Variants in C10orf71 observed in about 807,000 individuals in gnomAD.
The protein encoded by C10orf71 is chromosome 10 open reading frame 71.
For synonymous variants in C10orf71, 758 were observed against 726.3 expected (o/e 1.04, Z -0.70); for missense variants, 1,869 against 1,804.5 (o/e 1.04, Z -0.65).
chr10:49,326,897 C>A lies in C10orf71; in HGVS notation c.*44C>A. ...CCACCCCCAGATGAACCCAGAGGAGCTTACTTCCCCCTCCCCCAAAACAAG... is the reference window on the plus strand; with the variant it reads ...CCACCCCCAGATGAACCCAGAGGAGATTACTTCCCCCTCCCCCAAAACAAG... On this transcript the variant is annotated 3_prime_UTR_variant, in exon 3 of 3. Transcript: ENST00000374144. 1 of 1,452,850 alleles carries A rather than the reference C, an allele frequency of 6.9e-7. No homozygotes were observed. The highest frequency in any genetic ancestry group is 9.2e-7 in the Non-Finnish European group (1 of 1,091,126). 90.0% of individuals were successfully genotyped at this position (1,452,850 alleles called of 1,614,324 possible).
rs75053680 is a variant in C10orf71 at position 49,323,886 on chromosome 10, G to A, written c.1341G>A (p.Leu447=). 25,907 of 1,612,888 alleles carry A rather than the reference G, an allele frequency of 0.016. 265 individuals are homozygous for A. The highest frequency in any genetic ancestry group is 0.02 in the Non-Finnish European group (23,516 of 1,179,684). ...CCCCCTTTAACATCAGTAAGCTCCT[G>A]ACCCCCATCATACCCAGCAAGCACG... ...YDPPFNISKL[L]TPIIPSKHAL... The change falls in exon 3 of 3, where the codon CTG becomes CTA. Residue 447 remains leucine (L), a synonymous_variant. Transcript: ENST00000374144.
rs55987453 is a variant in C10orf71, at chr10:49,319,771, T to TCACA, written c.-144-2618_-144-2615dup. Among the ~76,000 whole-genome samples the TCACA allele has an allele frequency of 7.0e-3, 989 of 141,150 alleles. 14 individuals are homozygous for TCACA. Among genetic ancestry groups the TCACA allele is most frequent in the Middle Eastern group, 0.025 (7 of 276 alleles). The allele number at this position is 141,150 out of a possible 152,430, so 92.6% of individuals were successfully genotyped here. On this transcript the variant is annotated intron_variant, in intron 2 of 2. Transcript: ENST00000374144. ...ATGTGGGTGTATATGTATATGTATA[T>TCACA]CACACACACACACACATATATAGTG...
rs142246974 is a variant in C10orf71 at position 49,316,716 on chromosome 10, A to G, written c.-145+469A>G. ...CCCAGAGCGTAGTGAAAGCTCCACC[A>G]CCAGCAAGGAAGCCTGAGCACACTT... On this transcript the variant is annotated intron_variant, in intron 2 of 2. Coordinates refer to ENST00000374144, the MANE Select transcript of C10orf71 (RefSeq NM_001135196.2). 1.7e-3 allele frequency among the ~76,000 whole-genome samples: 253 copies of G among 152,316 alleles called. 1 individual carries two copies. Among genetic ancestry groups the G allele is most frequent in the African/African-American group, 5.6e-3 (234 of 41,562 alleles).
chr10:49,322,498 C>A lies in C10orf71; in HGVS notation c.-48C>A. 1.3e-6 allele frequency: 2 copies of A among 1,530,206 alleles called. No individual in the cohort carries two copies. The highest frequency in any genetic ancestry group is 1.8e-6 in the Non-Finnish European group (2 of 1,134,872). The allele number at this position is 1,530,206 out of a possible 1,614,324, so 94.8% of individuals were successfully genotyped here. ...ACACCTAACCTTGACAGAATCATCA[C>A]CAGAGACACCTGCCGGCTGACAAGG... On this transcript the variant is annotated 5_prime_UTR_variant, in exon 3 of 3. Transcript: ENST00000374144.
At chr10:49,305,140 C>T (rs77929619) in intron 1 of C10orf71, among the ~76,000 whole-genome samples, 30 of 152,318 alleles carry the variant, frequency 2.0e-4, no homozygotes, top group African/African-American at 6.3e-4. Context: ...AATAGAAGGA[C>T]ATCTTATGGC....
At chr10:49,319,771 T>A (rs1453535567) in intron 2 of C10orf71, among the ~76,000 whole-genome samples, 1 of 141,168 alleles carries the variant, frequency 7.1e-6, no homozygotes, top group Admixed American at 7.0e-5. Context: ...TATATGTATA[T>A]CACACACACA....
Position 49,326,332 on chromosome 10 carries a change from T to G in C10orf71, c.3787T>G (p.Ser1263Ala). ...PVGRRPGGPQ[S>A]LTPLPAYPAT... is the part of the protein sequence containing the mutation. ...CGGGAGGCGGCCCGGGGGCCCCCAG[T>G]CCCTCACACCCCTGCCCGCGTACCC... Residue 1263 changes from serine to alanine, a missense_variant, in exon 3 of 3, where the codon TCC becomes GCC. Coordinates refer to ENST00000374144, the MANE Select transcript of C10orf71 (RefSeq NM_001135196.2). 2 of 1,549,690 alleles carry G rather than the reference T, an allele frequency of 1.3e-6. No homozygotes were observed. The highest frequency in any genetic ancestry group is 1.7e-6 in the Non-Finnish European group (2 of 1,146,542).
In C10orf71 at chr10:49,326,597, G is replaced by A. The variant is rs898997384; in HGVS notation, c.4052G>A (p.Cys1351Tyr). 8 of 1,550,378 alleles carry A rather than the reference G, an allele frequency of 5.2e-6. No individual in the cohort carries two copies. The highest frequency in any genetic ancestry group is 7.0e-6 in the Non-Finnish European group (8 of 1,146,876). ...VPVTALMPLR[C>Y]SSQLSAPTFL... Reference sequence around the variant, plus strand: ...GTGACGGCCTTGATGCCGCTGCGCTGCTCCTCTCAGCTCTCCGCGCCCACC... The same window carrying A: ...GTGACGGCCTTGATGCCGCTGCGCTACTCCTCTCAGCTCTCCGCGCCCACC... Residue 1351 changes from cysteine (C) to tyrosine (Y), a missense_variant, in exon 3 of 3, where the codon TGC (cysteine) becomes TAC (tyrosine). Coordinates refer to ENST00000374144, the MANE Select transcript of C10orf71 (RefSeq NM_001135196.2).
At chr10:49,321,387 A>T (rs549187626) in intron 2 of C10orf71, among the ~76,000 whole-genome samples, 1 of 152,310 alleles carries the variant, frequency 6.6e-6, no homozygotes, top group South Asian at 2.1e-4. Flanking sequence ...TCATAAATTT[A>T]AAAATTTCCT....
chr10:49,322,103 G>T (rs1849103090), intron 2 of C10orf71, among the ~76,000 whole-genome samples: 1 of 151,970 alleles, frequency 6.6e-6, no homozygotes, highest in Non-Finnish European at 1.5e-5. Flanking sequence ...ATTTTTGTTT[G>T]TGTTGCTTGC....
In C10orf71 at chr10:49,324,407, G is replaced by A. The variant is rs1394571236; in HGVS notation, c.1862G>A (p.Gly621Glu). 2 of 1,612,364 alleles carry A rather than the reference G, an allele frequency of 1.2e-6. No individual in the cohort carries two copies. The highest frequency in any genetic ancestry group is 8.5e-7 in the Non-Finnish European group (1 of 1,179,216). The change falls in exon 3 of 3, where the codon GGA (glycine) becomes GAA (glutamate). Residue 621 changes from glycine to glutamate, a missense_variant. Gly to Glu is a moderately conservative substitution (Grantham distance 98). Transcript: ENST00000374144. Reference protein sequence around the residue: ...RSSYENKEVEGELEMGPAGSS... With the variant: ...RSSYENKEVEEELEMGPAGSS... Reference sequence around the variant, plus strand: ...AGTTATGAGAACAAGGAGGTGGAAGGAGAGTTGGAGATGGGTCCTGCCGGA... The same window carrying A: ...AGTTATGAGAACAAGGAGGTGGAAGAAGAGTTGGAGATGGGTCCTGCCGGA...
chr10:49,310,791 T>TGA (rs1446134130), intron 1 of C10orf71, among the ~76,000 whole-genome samples: 1 of 150,454 alleles, frequency 6.6e-6, no homozygotes, highest in Non-Finnish European at 1.5e-5. Context: ...ATGATGATGA[T>TGA]GATGATGATG....
rs537047377 is a variant in C10orf71, at chr10:49,318,789, A to G, written c.-145+2542A>G. Among the ~76,000 whole-genome samples, 5 of 152,338 alleles carry G rather than the reference A, an allele frequency of 3.3e-5. No homozygotes were observed. In the East Asian group the frequency reaches 9.6e-4, roughly 29 times the overall value. On this transcript the variant is annotated intron_variant, in intron 2 of 2. Transcript: ENST00000374144. ...AGTGAGGACACATGATCCCCACTCT[A>G]CAGAAACAAAGAATGGTTGCAATCT...
intron 1 of C10orf71, among the ~76,000 whole-genome samples, chr10:49,311,109 GAAT>G (rs1203053060): frequency 6.6e-6 from 1 of 151,812 alleles, no homozygotes; most frequent in East Asian, 1.9e-4. Context: ...GTGAGACATG[GAAT>G]ATCTGGGTCC....
chr10:49,322,922 T>G lies in C10orf71; in HGVS notation c.377T>G (p.Leu126Arg). ...CCACCAACGCCAGTCCAGAGGAGAC[T>G]GGAGGTGCCAGTTTCCGGCCTAAGG... ...SPPPTPVQRR[L>R]EVPVSGLRSS... is the part of the protein sequence containing the mutation. Residue 126 changes from leucine to arginine, a missense_variant, in exon 3 of 3, where the codon CTG becomes CGG. Leu to Arg is a moderately radical substitution (Grantham distance 102). Coordinates refer to ENST00000374144, the MANE Select transcript of C10orf71 (RefSeq NM_001135196.2). 1 of 1,613,870 alleles carries G rather than the reference T, an allele frequency of 6.2e-7. No homozygotes were observed. Among genetic ancestry groups the G allele is most frequent in the South Asian group, 1.1e-5 (1 of 91,074 alleles).
At chr10:49,314,508 G>A (rs184735409) in intron 1 of C10orf71, among the ~76,000 whole-genome samples, 6 of 152,270 alleles carry the variant, frequency 3.9e-5, no homozygotes, top group Non-Finnish European at 2.9e-5. Flanking sequence ...TTTTTTCACT[G>A]GCATCTGGAA....
intron 1 of C10orf71, among the ~76,000 whole-genome samples, chr10:49,312,604 G>A (rs1030955111): frequency 6.6e-6 from 1 of 152,242 alleles, no homozygotes; most frequent in African/African-American, 2.4e-5. Flanking sequence ...TTAGAGCACT[G>A]AGAGCAGTGT....
rs919962760 is a variant in C10orf71 at position 49,326,433 on chromosome 10, C to T, written c.3888C>T (p.Ile1296=). 6.5e-7 allele frequency: 1 copy of T among 1,550,352 alleles called. No individual in the cohort carries two copies. Among genetic ancestry groups the T allele is most frequent in the African/African-American group, 1.4e-5 (1 of 73,160 alleles). ...TCGACTTGCCACTCCAGGTGAAAAT[C>T]AAGACCTTCTATGACCCAGAGACGG... The part of the protein sequence containing the change: ...FVFDLPLQVK[I]KTFYDPETGK... The change falls in exon 3 of 3, where the codon ATC becomes ATT. Residue 1296 remains isoleucine (I), a synonymous_variant. Coordinates refer to ENST00000374144, the MANE Select transcript of C10orf71 (RefSeq NM_001135196.2).
At position 49,323,492 on chromosome 10, in the gene C10orf71, G is replaced by A; in HGVS notation, c.947G>A (p.Cys316Tyr). The change falls in exon 3 of 3, where the codon TGT becomes TAT. Residue 316 changes from cysteine to tyrosine, a missense_variant. Cys to Tyr is a radical substitution (Grantham distance 194, BLOSUM62 -2). Transcript: ENST00000374144. ...YGDTTLLREP[C>Y]PPERTVSPCQ... ...GACACGACCTTGCTAAGAGAACCCT[G>A]TCCTCCTGAGCGCACAGTCTCTCCC... 1 of 1,613,698 alleles carries A rather than the reference G, an allele frequency of 6.2e-7. No homozygotes were observed. Among genetic ancestry groups the A allele is most frequent in the Non-Finnish European group, 8.5e-7 (1 of 1,179,620 alleles).
Sources: allele counts gnomAD v4.1 joint callset (sites outside exome capture counted in the v4.1 genomes callset), GRCh38; gene constraint gnomAD v4.1.1; transcripts MANE v1.5; gene names NCBI Gene and HGNC (gene_info 2026-07-23, HGNC 2026-07-21).